Variants in PTBP2 observed in about 807,000 individuals in gnomAD.
The protein encoded by PTBP2 is polypyrimidine tract binding protein 2.
A neutral mutation model predicts 61.4 loss-of-function variants in PTBP2; 13 were observed. The observed-to-expected ratio is 0.21, with a 90% CI of 0.14 to 0.34. The LOEUF (loss-of-function observed/expected upper bound fraction) is 0.34, where lower values mean the gene tolerates loss of function less well. Ranked by LOEUF, PTBP2 falls within the 10% of genes least tolerant of loss-of-function variation. The probability of loss-of-function intolerance (pLI) is 1.00; values close to 1 mark genes in which losing one functional copy is unlikely to be tolerated. For missense variants in PTBP2, 405 were observed against 642.6 expected, an observed-to-expected ratio of 0.63 and a Z score of 4.00; for synonymous variants, 215 against 218.5, an observed-to-expected ratio of 0.98 and a Z score of 0.14.
intron 8 of PTBP2, among the ~76,000 whole-genome samples, chr1:96,794,832 A>T (rs2101121915): frequency 6.6e-6 from 1 of 152,298 alleles, no homozygotes; most frequent in East Asian, 1.9e-4. Flanking sequence ...AATGTGATAG[A>T]GTATATGTCA....
At chr1:96,749,682 A>G (rs1345357144) in intron 2 of PTBP2, 1 of 455,774 alleles carries the variant, frequency 2.2e-6, no homozygotes, top group Admixed American at 2.4e-5. Flanking sequence ...GTAACAGTTA[A>G]TAACGTAATT....
chr1:96,734,650 A>G (rs971702422), intron 2 of PTBP2, among the ~76,000 whole-genome samples: 2 of 151,942 alleles, frequency 1.3e-5, no homozygotes, highest in Admixed American at 6.6e-5. Context: ...CCTATAGACT[A>G]CATTTACTGA....
chr1:96,762,582 C>A (rs1419327193), intron 3 of PTBP2, among the ~76,000 whole-genome samples: 1 of 148,184 alleles, frequency 6.7e-6, no homozygotes, highest in African/African-American at 2.5e-5. Context: ...GGCGGCTGGC[C>A]GGGCAGAGGG....
intron 3 of PTBP2, among the ~76,000 whole-genome samples, chr1:96,766,184 A>G (rs911196220): frequency 6.6e-6 from 1 of 152,252 alleles, no homozygotes; most frequent in Non-Finnish European, 1.5e-5. Flanking sequence ...AAACCATTTT[A>G]AAATTTTATT....
intron 2 of PTBP2, among the ~76,000 whole-genome samples, chr1:96,737,792 C>G (rs1179994273): frequency 6.6e-6 from 1 of 152,172 alleles, no homozygotes. Context: ...AAAATTGAAC[C>G]TGCTTTCTCC....
At chr1:96,752,048 TA>T (rs985350484) in intron 3 of PTBP2, among the ~76,000 whole-genome samples, 1 of 151,852 alleles carries the variant, frequency 6.6e-6, no homozygotes, top group African/African-American at 2.4e-5. Flanking sequence ...AAGTTAGAGT[TA>T]AAAAAAATTG....
chr1:96,812,818 G>A lies in PTBP2; in HGVS notation c.1278G>A (p.Gly426=). 6.2e-7 allele frequency: 1 copy of A among 1,613,002 alleles called. No individual in the cohort carries two copies. Among genetic ancestry groups the A allele is most frequent in the Non-Finnish European group, 8.5e-7 (1 of 1,179,110 alleles). ...CTCGAGAGGGACTTGATGATCAAGGGCTAACAAAAGATTTTGGTAATTCCC... is the reference window on the plus strand; with the variant it reads ...CTCGAGAGGGACTTGATGATCAAGGACTAACAAAAGATTTTGGTAATTCCC... The part of the protein sequence containing the change: ...QLPREGLDDQ[G]LTKDFGNSPL... Residue 426 remains glycine (G), a synonymous_variant, in exon 12 of 14, where the codon GGG becomes GGA. Transcript: ENST00000674951.
At chr1:96,820,694 A>G (rs1012552269) in exon 14 of PTBP2, 5 of 151,970 alleles carry the variant, frequency 3.3e-5, no homozygotes, top group African/African-American at 1.2e-4. Context: ...CTTTTTCAAG[A>G]TAAAGTCATT....
chr1:96,785,405 C>T lies in PTBP2; in HGVS notation c.904+151C>T. 1.1e-5 allele frequency: 6 copies of T among 551,056 alleles called. No homozygotes were observed. The South Asian group carries it at 2.1e-4, about 19-fold the overall frequency. 34.1% of individuals were successfully genotyped at this position (551,056 alleles called of 1,614,324 possible). ...TCTCAAGTGAGAAGGCATATGAATA[C>T]TGTTAAGAAAAACCCAAAGTATTCT... On this transcript the variant is annotated intron_variant, in intron 8 of 13. Transcript: ENST00000674951.
rs185433725 is a variant in PTBP2, at chr1:96,752,099, A to G, written c.115+599A>G. Reference sequence around the variant, plus strand: ...AATGTTGTTTGTAGCATCTGTCAGTAAAACAATATAGACCAAATTTTAGAC... The same window carrying G: ...AATGTTGTTTGTAGCATCTGTCAGTGAAACAATATAGACCAAATTTTAGAC... On this transcript the variant is annotated intron_variant, in intron 3 of 13. Coordinates refer to ENST00000674951, the MANE Select transcript of PTBP2 (RefSeq NM_021190.4). Among the ~76,000 whole-genome samples, 3 of 152,252 alleles carry G rather than the reference A, an allele frequency of 2.0e-5. No homozygotes were observed. In the East Asian group the frequency reaches 5.8e-4, roughly 29 times the overall value.
At chr1:96,796,642 C>G (rs1004277948) in intron 8 of PTBP2, among the ~76,000 whole-genome samples, 1 of 152,052 alleles carries the variant, frequency 6.6e-6, no homozygotes, top group Non-Finnish European at 1.5e-5. Context: ...TAGTATTTGT[C>G]AAGCCCAGAT....
chr1:96,785,395 C>T (rs1052961956), intron 8 of PTBP2, 141 bp downstream of exon 8: 126 of 569,692 alleles, frequency 2.2e-4, no homozygotes, highest in Non-Finnish European at 4.1e-5. Context: ...AGTGAGAAGG[C>T]ATATGAATAC....
At chr1:96,762,398 G>A (rs1234635659) in intron 3 of PTBP2, among the ~76,000 whole-genome samples, 1 of 147,534 alleles carries the variant, frequency 6.8e-6, no homozygotes, top group Non-Finnish European at 1.5e-5. Flanking sequence ...GCGGGGGGCT[G>A]ACCCCCCCAC....
intron 3 of PTBP2, among the ~76,000 whole-genome samples, chr1:96,767,465 A>G (rs773697660): frequency 1.3e-5 from 2 of 152,110 alleles, no homozygotes; most frequent in African/African-American, 2.4e-5. Context: ...TCCTGATACC[A>G]TAACTATAAC....
At chr1:96,726,074 C>CA (rs762152365) in intron 2 of PTBP2, among the ~76,000 whole-genome samples, 1,680 of 54,194 alleles carry the variant, frequency 0.031, 269 homozygotes, top group Non-Finnish European at 0.042. Context: ...GACTCTATCT[C>CA]AAAAAAAAAA....
intron 8 of PTBP2, among the ~76,000 whole-genome samples, chr1:96,794,771 C>G (rs1660196191): frequency 6.6e-6 from 1 of 152,010 alleles, no homozygotes; most frequent in African/African-American, 2.4e-5. Flanking sequence ...AGTGATCCAT[C>G]AACAAAAGGA....
intron 5 of PTBP2, among the ~76,000 whole-genome samples, chr1:96,773,377 C>CT (rs989302374): frequency 6.2e-4 from 94 of 151,764 alleles, no homozygotes; most frequent in African/African-American, 2.2e-3. Flanking sequence ...CTTTGGTCAT[C>CT]TTTTTTTTGT....
chr1:96,737,038 G>A (rs1323830650), intron 2 of PTBP2, among the ~76,000 whole-genome samples: 1 of 151,314 alleles, frequency 6.6e-6, no homozygotes, highest in Admixed American at 6.6e-5. Context: ...GGAGTACAGT[G>A]GCTCTATCTC....
rs1330948266 is a variant in PTBP2, at chr1:96,721,849, T to G, written c.-16T>G. The G allele has an allele frequency of 6.4e-7, 1 of 1,567,166 alleles. No homozygotes were observed. The highest frequency in any genetic ancestry group is 8.7e-7 in the Non-Finnish European group (1 of 1,156,066). ...GTGGCTCGGTTCTTGTGAGCGAAGCTTTGTCCGGTTCGGCAATGGACGGGT... is the reference window on the plus strand; with the variant it reads ...GTGGCTCGGTTCTTGTGAGCGAAGCGTTGTCCGGTTCGGCAATGGACGGGT... On this transcript the variant is annotated 5_prime_UTR_variant, in exon 1 of 14. Transcript: ENST00000674951.
Sources: allele counts gnomAD v4.1 joint callset (sites outside exome capture counted in the v4.1 genomes callset), GRCh38; gene constraint gnomAD v4.1.1; transcripts MANE v1.5; gene names NCBI Gene and HGNC (gene_info 2026-07-23, HGNC 2026-07-21).